Variants in MICAL2 observed in about 807,000 individuals in gnomAD.
MICAL2 encodes the protein microtubule associated monooxygenase, calponin and LIM domain containing 2.
A neutral mutation model predicts 127.3 loss-of-function variants in MICAL2; 77 were observed. The observed-to-expected ratio is 0.60, with a 90% confidence interval of 0.50 to 0.73. MICAL2 has a LOEUF of 0.73. Among genes scored for constraint, MICAL2 ranks in the 30% least tolerant of loss-of-function variants. MICAL2 has a pLI of 0.00. For synonymous variants in MICAL2, 570 were observed against 551.1 expected (o/e 1.03, Z -0.48); for missense variants, 1,351 against 1,434.4 (o/e 0.94, Z 0.94).
intron 3 of MICAL2, among the ~76,000 whole-genome samples, chr11:12,195,094 A>G (rs368396256): frequency 1.3e-5 from 2 of 152,082 alleles, no homozygotes; most frequent in East Asian, 3.8e-4. Flanking sequence ...TCTCTCTACA[A>G]CATTTTTTTG....
At chr11:12,292,430 C>T (rs1863917587), downstream of MICAL2, 2 of 977,440 alleles carry the variant, frequency 2.0e-6, no homozygotes, top group Non-Finnish European at 3.1e-6. Context: ...CCAGAAGATA[C>T]TCTGTCAAGG....
At chr11:12,316,371 A>G (rs1864231719) in intron 29 of MICAL2, among the ~76,000 whole-genome samples, 1 of 149,836 alleles carries the variant, frequency 6.7e-6, no homozygotes, top group Admixed American at 6.6e-5. Context: ...TTCAGTGTAT[A>G]GGTCTTTCAC....
intron 7 of MICAL2, among the ~76,000 whole-genome samples, chr11:12,215,756 A>T (rs988131051): frequency 6.6e-6 from 1 of 152,198 alleles, no homozygotes; most frequent in African/African-American, 2.4e-5. Context: ...TTCACATACA[A>T]GCCGGGAAAC....
intron 29 of MICAL2, among the ~76,000 whole-genome samples, chr11:12,305,158 A>G (rs925800849): frequency 4.6e-5 from 7 of 152,198 alleles, no homozygotes; most frequent in African/African-American, 1.4e-4. Context: ...TGGGTAACTT[A>G]TAAAGGAAAA....
At chr11:12,331,544 G>C (rs889055512) in intron 32 of MICAL2, among the ~76,000 whole-genome samples, 1 of 152,168 alleles carries the variant, frequency 6.6e-6, no homozygotes, top group African/African-American at 2.4e-5. Flanking sequence ...GGAGGTAGCT[G>C]AGCTTACACT....
rs759997647 is a variant in MICAL2 at position 12,176,233 on chromosome 11, CT to C, written c.264+13819del. 8.5e-5 allele frequency among the ~76,000 whole-genome samples: 13 copies of C among 152,142 alleles called. No individual in the cohort carries two copies. The East Asian group carries it at 1.5e-3, about 18-fold the overall frequency. On this transcript the variant is annotated intron_variant, in intron 3 of 27. Coordinates refer to ENST00000683283, the MANE Select transcript of MICAL2 (RefSeq NM_001282663.2). ...AGACTTGGCCATTCTGATTTAAAGT[CT>C]TTTTGGAAGAAAAAACCTTCCTGAA...
At chr11:12,220,054 C>T in intron 8 of MICAL2, 147 bp from the exon 9 acceptor site, 1 of 936,016 alleles carries the variant, frequency 1.1e-6, no homozygotes, top group East Asian at 2.6e-5. Context: ...TTTATTTCCT[C>T]TTTATTCCCT....
chr11:12,306,101 T>C lies in MICAL2; in HGVS notation c.5212+11244T>C, dbSNP rs11828797. Among the ~76,000 whole-genome samples the C allele has an allele frequency of 1.6e-3, 249 of 152,314 alleles. 1 individual carries two copies. The highest frequency in any genetic ancestry group is 5.8e-3 in the African/African-American group (242 of 41,582). Reference sequence around the variant, plus strand: ...CACAAAAGAAAAATACTCGTAAGTATAGAGCTTTTCACACATTGAACACAT... The same window carrying C: ...CACAAAAGAAAAATACTCGTAAGTACAGAGCTTTTCACACATTGAACACAT... On this transcript the variant is annotated intron_variant, in intron 29 of 34. Coordinates refer to the MICAL2 transcript ENST00000646065.
chr11:12,174,941 C>A (rs1042242822), intron 3 of MICAL2, among the ~76,000 whole-genome samples: 9 of 151,502 alleles, frequency 5.9e-5, no homozygotes, highest in African/African-American at 2.2e-4. Flanking sequence ...GACAACATGG[C>A]AAAATGCCAT....
At chr11:12,262,642 G>A (rs1192244427) in intron 27 of MICAL2, 105 bp downstream of exon 27, 8 of 971,476 alleles carry the variant, frequency 8.2e-6, no homozygotes, top group Non-Finnish European at 1.3e-5. Context: ...AACTGTGAGT[G>A]TCTTGCATAC....
At chr11:12,341,488 A>G (rs1938863949) in intron 32 of MICAL2, among the ~76,000 whole-genome samples, 1 of 152,190 alleles carries the variant, frequency 6.6e-6, no homozygotes. Flanking sequence ...ACATAAGTTT[A>G]AAGAATAAAT....
chr11:12,241,300 C>G (rs1414034824), intron 18 of MICAL2, 138 bp downstream of exon 18: 6 of 1,100,922 alleles, frequency 5.4e-6, no homozygotes, highest in Non-Finnish European at 6.4e-6. Context: ...TGTCACCACA[C>G]TTATAGGTAA....
chr11:12,280,865 A>T (rs1340746299), intron 1 of MICAL2: 5 of 398,328 alleles, frequency 1.3e-5, no homozygotes, highest in Non-Finnish European at 2.2e-5. Flanking sequence ...GGCAGGACGC[A>T]GTGTGGGTGT....
At chr11:12,138,029 A>C (rs1248724196) in intron 1 of MICAL2, among the ~76,000 whole-genome samples, 7 of 152,172 alleles carry the variant, frequency 4.6e-5, no homozygotes, top group Non-Finnish European at 1.5e-5. Context: ...ATTTACTTTC[A>C]TTGTGTCTCA....
intron 3 of MICAL2, among the ~76,000 whole-genome samples, chr11:12,168,775 G>T (rs966393445): frequency 1.3e-5 from 2 of 151,858 alleles, no homozygotes; most frequent in African/African-American, 4.8e-5. Flanking sequence ...AACACAGTGA[G>T]AAAACAATGT....
At chr11:12,291,781 A>G (rs551583162), downstream of MICAL2, among the ~76,000 whole-genome samples, 1 of 152,334 alleles carries the variant, frequency 6.6e-6, no homozygotes, top group Admixed American at 6.5e-5. Context: ...TGACTGAGTG[A>G]TTTAACACAG....
intron 32 of MICAL2, among the ~76,000 whole-genome samples, chr11:12,327,436 C>G (rs1864367631): frequency 6.6e-6 from 1 of 152,210 alleles, no homozygotes; most frequent in Admixed American, 6.5e-5. Flanking sequence ...TGTTTCTCGG[C>G]CTTTTGGCCA....
At chr11:12,283,725 A>G (rs1224856595) in intron 2 of MICAL2, among the ~76,000 whole-genome samples, 1 of 152,170 alleles carries the variant, frequency 6.6e-6, no homozygotes, top group Non-Finnish European at 1.5e-5. Context: ...TATATTATGT[A>G]TATTATTTTC....
upstream of MICAL2, among the ~76,000 whole-genome samples, chr11:12,272,950 G>A (rs1026768068): frequency 1.3e-5 from 2 of 152,314 alleles, no homozygotes; most frequent in Admixed American, 6.5e-5. Context: ...CAAGCCTCAC[G>A]TCCATGGGGC....
Sources: gnomAD v4.1 joint callset for allele counts (sites outside exome capture counted in the v4.1 genomes callset) on GRCh38, gnomAD v4.1.1 for gene constraint, MANE v1.5 for transcripts, NCBI Gene and HGNC (gene_info 2026-07-23, HGNC 2026-07-21) for gene names.